KIF23: variants seen among roughly 807,000 people sequenced by gnomAD.
KIF23 encodes the protein kinesin family member 23.
KIF23 carries 30 observed loss-of-function variants against 137.5 expected under a neutral mutation model. The ratio of observed to expected loss-of-function variants is 0.22; its 90% confidence interval spans 0.16 to 0.30. The LOEUF is 0.30. Among genes scored for constraint, KIF23 ranks in the 10% least tolerant of loss-of-function variants. KIF23 has a pLI of 1.00. For synonymous variants in KIF23, 367 were observed against 391.1 expected (o/e 0.94, Z 0.73); for missense variants, 920 against 1,194.3 (o/e 0.77, Z 3.38).
At position 69,417,402 on chromosome 15, in the gene KIF23, C is replaced by T; in HGVS notation, c.101C>T (p.Pro34Leu). ...DPVGVYCRVR[P>L]LGFPDQECCI... ...CTTCAGGTATACTGTAGGGTGCGCC[C>T]ACTGGGCTTTCCTGATCAAGAGTGT... The change falls in exon 3 of 24, where the codon CCA (proline) becomes CTA (leucine). Residue 34 changes from proline (P) to leucine (L), a missense_variant. By Grantham distance (98) the Pro-to-Leu change is moderately conservative (BLOSUM62 -3). This residue lies in a region of KIF23 where 124 missense variants were observed against 122.0 expected (regional missense o/e 1.02). Transcript: ENST00000679126. 1 of 1,610,942 alleles carries T rather than the reference C, an allele frequency of 6.2e-7. No homozygotes were observed. Among genetic ancestry groups the T allele is most frequent in the South Asian group, 1.1e-5 (1 of 90,388 alleles).
At position 69,446,876 on chromosome 15, in the gene KIF23, T is replaced by A; in HGVS notation, c.2844T>A (p.Ser948=). The A allele has an allele frequency of 6.2e-7, 1 of 1,614,142 alleles. No individual in the cohort carries two copies. Among genetic ancestry groups the A allele is most frequent in the Non-Finnish European group, 8.5e-7 (1 of 1,179,944 alleles). Reference sequence around the variant, plus strand: ...TCTTGTCATTTTCCTCTCAGTGTTCTGTGGCTGTGGAGATGAGAGCAGGAT... The same window carrying A: ...TCTTGTCATTTTCCTCTCAGTGTTCAGTGGCTGTGGAGATGAGAGCAGGAT... The part of the protein sequence containing the change: ...SEWTDVETRC[S]VAVEMRAGSQ... Residue 948 remains serine, a synonymous_variant, in exon 23 of 24, where the codon TCT becomes TCA. Transcript: ENST00000679126.
chr15:69,433,714 T>G lies in KIF23; in HGVS notation c.1115-1769T>G, dbSNP rs150989451. ...GATCTGCTGCCTTAGAGAATATATT[T>G]TATTTATTTATTTTTTATTTTATTT... On this transcript the variant is annotated intron_variant, in intron 11 of 23. Coordinates refer to ENST00000679126, the MANE Select transcript of KIF23 (RefSeq NM_001367805.3). Among the ~76,000 whole-genome samples the G allele has an allele frequency of 8.3e-3, 1,259 of 152,130 alleles. 16 individuals carry two copies. Among genetic ancestry groups the G allele is most frequent in the African/African-American group, 0.029 (1,186 of 41,552 alleles).
intron 15 of KIF23, 98 bp from the exon 16 acceptor site, chr15:69,438,150 T>A (rs1314287213): frequency 9.4e-7 from 1 of 1,060,768 alleles, no homozygotes; most frequent in South Asian, 1.7e-5. Flanking sequence ...AGAGATTTGC[T>A]GAATAACTAC....
intron 15 of KIF23, 55 bp downstream of exon 15, chr15:69,436,777 C>T: frequency 8.7e-7 from 1 of 1,152,344 alleles, no homozygotes; most frequent in Non-Finnish European, 1.2e-6. Context: ...TTTTTTGAGA[C>T]ATAGTTTCAC....
chr15:69,442,996 CTTA>C, intron 19 of KIF23, among the ~76,000 whole-genome samples: 1 of 152,250 alleles, frequency 6.6e-6, no homozygotes, highest in East Asian at 1.9e-4. Flanking sequence ...TCATCATATG[CTTA>C]TTGTTAAATG....
chr15:69,418,705 A>G (rs1329099218), intron 3 of KIF23, among the ~76,000 whole-genome samples: 1 of 152,234 alleles, frequency 6.6e-6, no homozygotes, highest in Non-Finnish European at 1.5e-5. Context: ...TTAATGCGTC[A>G]CAGCTGAGAC....
Position 69,422,093 on chromosome 15 carries a change from T to C in KIF23, c.418T>C (p.Phe140Leu). ...GLLPRCLDMI[F>L]NSIGSFQAKR... ...GCTTCCTCGTTGTTTGGACATGATC[T>C]TTAACAGTATAGGGTCATTTCAAGC... The change falls in exon 5 of 24, where the codon TTT (phenylalanine) becomes CTT (leucine). Residue 140 changes from phenylalanine (F) to leucine (L), a missense_variant. Physicochemically the swap from Phe to Leu is conservative, Grantham distance 22 (BLOSUM62 0). Around this residue, in one of 4 missense-constraint regions of KIF23, gnomAD observed 714 missense variants for 866.2 expected, o/e 0.82. Transcript: ENST00000679126. The C allele has an allele frequency of 6.2e-7, 1 of 1,614,212 alleles. No individual in the cohort carries two copies. The highest frequency in any genetic ancestry group is 8.5e-7 in the Non-Finnish European group (1 of 1,180,022).
chr15:69,445,510 C>T (rs1272360631), intron 20 of KIF23, among the ~76,000 whole-genome samples: 1 of 146,626 alleles, frequency 6.8e-6, no homozygotes, highest in African/African-American at 2.5e-5. Flanking sequence ...CCCCTTTGAT[C>T]ATAGGGTCAG....
At chr15:69,427,226 C>A in intron 10 of KIF23, 1 of 342,912 alleles carries the variant, frequency 2.9e-6, no homozygotes. Context: ...CCATTTTATA[C>A]ACAAGATTTG....
chr15:69,414,803 C>A, intron 1 of KIF23: 1 of 316,840 alleles, frequency 3.2e-6, no homozygotes, highest in East Asian at 5.1e-5. Flanking sequence ...GGTCCCGGGA[C>A]AGCCTTTCCC....
Position 69,444,709 on chromosome 15 carries a change from C to A in KIF23, c.2422-81C>A. 7.2e-7 allele frequency: 1 copy of A among 1,383,248 alleles called. No individual in the cohort carries two copies. The highest frequency in any genetic ancestry group is 9.9e-7 in the Non-Finnish European group (1 of 1,005,878). The allele number at this position is 1,383,248 out of a possible 1,614,324, so 85.7% of individuals were successfully genotyped here. A position where few individuals can be genotyped will look rare whatever the true frequency, so the allele number is the denominator to read the frequency against. On this transcript the variant is annotated intron_variant, in intron 19 of 23. Coordinates refer to ENST00000679126, the MANE Select transcript of KIF23 (RefSeq NM_001367805.3). The surrounding 1 kb of genome is among the most constrained non-coding windows in gnomAD (Gnocchi z 4.2). ...AGCTTTGGAAAGGTTTGCTATGATACTGTCATCAACTAATGTAGCCAAACC... is the reference window on the plus strand; with the variant it reads ...AGCTTTGGAAAGGTTTGCTATGATAATGTCATCAACTAATGTAGCCAAACC...
intron 15 of KIF23, 50 bp from the exon 16 acceptor site, chr15:69,438,195 CATT>C: frequency 4.1e-6 from 6 of 1,476,326 alleles, no homozygotes; most frequent in South Asian, 1.3e-5. Flanking sequence ...AAGTTGATAT[CATT>C]GTTTGTTTTA....
intron 7 of KIF23, among the ~76,000 whole-genome samples, chr15:69,424,811 C>T (rs1011378277): frequency 6.6e-6 from 1 of 152,194 alleles, no homozygotes; most frequent in East Asian, 1.9e-4. Flanking sequence ...CCTGGCCTGA[C>T]CATCACTTTT....
intron 11 of KIF23, among the ~76,000 whole-genome samples, chr15:69,432,611 T>A (rs1444954552): frequency 1.3e-5 from 2 of 152,106 alleles, no homozygotes; most frequent in Non-Finnish European, 2.9e-5. Context: ...GTGCCATGGA[T>A]GTAGGGTGAA....
At chr15:69,427,490 G>A (rs778208809) in intron 10 of KIF23, 4 of 453,078 alleles carry the variant, frequency 8.8e-6, no homozygotes, top group African/African-American at 4.0e-5. Context: ...TCTCTCTGGC[G>A]ACTCCTTCTG....
chr15:69,431,126 G>C (rs936251087), intron 11 of KIF23, among the ~76,000 whole-genome samples: 2 of 152,224 alleles, frequency 1.3e-5, no homozygotes, highest in African/African-American at 4.8e-5. Context: ...CTGAGAGCTA[G>C]TTAGGATGTG....
At chr15:69,429,578 A>T (rs1304081290) in intron 11 of KIF23, among the ~76,000 whole-genome samples, 2 of 152,084 alleles carry the variant, frequency 1.3e-5, no homozygotes, top group African/African-American at 4.8e-5. Flanking sequence ...AAGTCTTGGG[A>T]TTACAGGAAT....
Position 69,426,085 on chromosome 15 carries a change from A to G in KIF23, c.792A>G (p.Lys264=). 1 of 1,588,478 alleles carries G rather than the reference A, an allele frequency of 6.3e-7. No individual in the cohort carries two copies. The highest frequency in any genetic ancestry group is 8.5e-7 in the Non-Finnish European group (1 of 1,174,086). ...TTTCCCATAGACCTCCACAATCTAA[A>G]TTGCTTCGTGAAGATAAGAACCATA... ...RNTDFVPPQS[K]LLREDKNHNM... Residue 264 remains lysine (K), a synonymous_variant, in exon 9 of 24, where the codon AAA becomes AAG. Transcript: ENST00000679126.
chr15:69,425,307 A>G lies in KIF23; in HGVS notation c.760A>G (p.Arg254Gly). ...GTGGAACAGTTGCAGCACACCCATG[A>G]GGAACACAGATTTTGTGTATGTGAT... ...PKWNSCSTPM[R>G]NTDFVPPQSK... is the part of the protein sequence containing the mutation. The change falls in exon 8 of 24, where the codon AGG becomes GGG. Residue 254 changes from arginine to glycine, a missense_variant. Physicochemically the swap from Arg to Gly is moderately radical, Grantham distance 125 (BLOSUM62 -2). Around this residue, in one of 4 missense-constraint regions of KIF23, gnomAD observed 714 missense variants for 866.2 expected, o/e 0.82. Coordinates refer to ENST00000679126, the MANE Select transcript of KIF23 (RefSeq NM_001367805.3). 7 of 1,535,988 alleles carry G rather than the reference A, an allele frequency of 4.6e-6. No homozygotes were observed. The highest frequency in any genetic ancestry group is 6.1e-6 in the Non-Finnish European group (7 of 1,146,834).
Sources: allele counts gnomAD v4.1 joint callset (sites outside exome capture counted in the v4.1 genomes callset), GRCh38; gene constraint gnomAD v4.1.1; regional missense constraint gnomAD v4.1.1; non-coding constraint Gnocchi (gnomAD v3.1); transcripts MANE v1.5; gene names NCBI Gene and HGNC (gene_info 2026-07-23, HGNC 2026-07-21).